The following TSHZ2 variants were observed in gnomAD, a reference collection of about 807,000 sequenced individuals.
TSHZ2 encodes teashirt homolog 2.
A neutral mutation model predicts 74.4 loss-of-function variants in TSHZ2; 21 were observed. That is an observed-to-expected ratio of 0.28 (90% CI 0.20 to 0.41). The LOEUF (loss-of-function observed/expected upper bound fraction) is 0.41. Ranked by LOEUF, TSHZ2 falls within the 10% of genes least tolerant of loss-of-function variation. TSHZ2 has a pLI of 1.00. For missense variants in TSHZ2, 1,244 were observed against 1,293.5 expected (o/e 0.96, Z 0.59); for synonymous variants, 540 against 515.3 (o/e 1.05, Z -0.65).
At chr20:53,177,486 G>T (rs531982388) in intron 1 of TSHZ2, among the ~76,000 whole-genome samples, 1 of 152,248 alleles carries the variant, frequency 6.6e-6, no homozygotes, top group Non-Finnish European at 1.5e-5. Flanking sequence ...TGCACATACG[G>T]CTGGTCCTCA....
chr20:53,251,572 A>G (rs1990332556), intron 1 of TSHZ2, among the ~76,000 whole-genome samples: 2 of 152,250 alleles, frequency 1.3e-5, no homozygotes, highest in Admixed American at 1.3e-4. Context: ...TTTCAAACCA[A>G]TCTTTGAAGC....
intron 1 of TSHZ2, among the ~76,000 whole-genome samples, chr20:53,088,645 G>T (rs926813): frequency 0.93 from 142,173 of 152,304 alleles, 66,457 homozygotes; most frequent in African/African-American, 0.99. Context: ...ATGGAGATTT[G>T]ATGGCTTTCA....
chr20:53,005,181 G>C (rs1600641279), intron 1 of TSHZ2, among the ~76,000 whole-genome samples: 1 of 152,028 alleles, frequency 6.6e-6, no homozygotes, highest in Non-Finnish European at 1.5e-5. Flanking sequence ...CAGGTGTGGT[G>C]GTGCACACCT....
At chr20:53,065,782 T>G (rs1023205111) in intron 1 of TSHZ2, among the ~76,000 whole-genome samples, 7 of 152,202 alleles carry the variant, frequency 4.6e-5, no homozygotes, top group African/African-American at 1.7e-4. Context: ...GCAAGAAACC[T>G]ATTGTTATTT....
intron 1 of TSHZ2, among the ~76,000 whole-genome samples, chr20:52,987,031 G>C (rs1430921764): frequency 1.3e-5 from 2 of 152,150 alleles, no homozygotes; most frequent in Non-Finnish European, 2.9e-5. Context: ...AGAAGAAGCT[G>C]TGAGTAAGGG....
chr20:53,092,246 A>G (rs145681511), intron 1 of TSHZ2, among the ~76,000 whole-genome samples: 82 of 152,212 alleles, frequency 5.4e-4, no homozygotes, highest in Non-Finnish European at 1.0e-3. Flanking sequence ...AGAATTGGAA[A>G]CCAACCTAGT....
In TSHZ2 at chr20:53,253,538, T is replaced by C. The variant is rs776754391; in HGVS notation, c.80T>C (p.Ile27Thr). The C allele has an allele frequency of 5.3e-5, 86 of 1,612,060 alleles. No homozygotes were observed. The highest frequency in any genetic ancestry group is 7.0e-5 in the Non-Finnish European group (83 of 1,179,182). The change falls in exon 2 of 3, where the codon ATA becomes ACA. Residue 27 changes from isoleucine to threonine, a missense_variant. By Grantham distance (89) the Ile-to-Thr change is moderately conservative. Around this residue, in one of 6 missense-constraint regions of TSHZ2, gnomAD observed 470 missense variants for 456.5 expected, o/e 1.03. Coordinates refer to ENST00000371497, the MANE Select transcript of TSHZ2 (RefSeq NM_173485.6). ...GAACAGCTGAAAGAAGAGGAGGAAA[T>C]AAAAGAAGAGGAGGAGGAGGAGGAC... ...QEEQLKEEEE[I>T]KEEEEEEDSG...
intron 1 of TSHZ2, among the ~76,000 whole-genome samples, chr20:53,049,872 A>G (rs749419121): frequency 2.0e-5 from 3 of 152,120 alleles, no homozygotes; most frequent in South Asian, 4.2e-4. Flanking sequence ...TCTTGAGGTC[A>G]GGAGCTCGAG....
intron 2 of TSHZ2, among the ~76,000 whole-genome samples, chr20:53,415,814 A>AC (rs1983233295): frequency 1.1e-4 from 10 of 88,622 alleles, no homozygotes; most frequent in Non-Finnish European, 2.2e-5. Context: ...ACACACACAC[A>AC]CACACACGCA....
intron 2 of TSHZ2, among the ~76,000 whole-genome samples, chr20:53,326,324 A>C (rs1249971319): frequency 6.6e-6 from 1 of 152,230 alleles, no homozygotes; most frequent in East Asian, 1.9e-4. Flanking sequence ...TGGAGTGCTG[A>C]GCAAAGGAAG....
chr20:53,158,563 A>C (rs1165473329), intron 1 of TSHZ2, among the ~76,000 whole-genome samples: 1 of 152,230 alleles, frequency 6.6e-6, no homozygotes, highest in African/African-American at 2.4e-5. Context: ...TAAGAAGGAC[A>C]GAGTAAGTGG....
At chr20:53,422,540 C>T (rs1051644098) in intron 2 of TSHZ2, among the ~76,000 whole-genome samples, 1 of 152,152 alleles carries the variant, frequency 6.6e-6, no homozygotes, top group African/African-American at 2.4e-5. Flanking sequence ...GAACCACCCC[C>T]CTCAGATGCA....
chr20:53,083,155 CATTT>C (rs1457489356), intron 1 of TSHZ2, among the ~76,000 whole-genome samples: 1 of 152,184 alleles, frequency 6.6e-6, no homozygotes, highest in African/African-American at 2.4e-5. Context: ...TACAGCTAAT[CATTT>C]ATTAGATTTA....
chr20:53,063,865 A>G (rs1306005123), intron 1 of TSHZ2, among the ~76,000 whole-genome samples: 1 of 152,224 alleles, frequency 6.6e-6, no homozygotes, highest in Non-Finnish European at 1.5e-5. Context: ...GGTGAGTGTT[A>G]GCAAACAGCA....
chr20:53,203,654 G>A (rs1485157349), intron 1 of TSHZ2, among the ~76,000 whole-genome samples: 2 of 152,170 alleles, frequency 1.3e-5, no homozygotes, highest in African/African-American at 2.4e-5. Flanking sequence ...CTCCAGCCAA[G>A]GGTGCCAGGT....
At position 53,074,918 on chromosome 20, in the gene TSHZ2, T is replaced by C. The variant is rs955280732; in HGVS notation, c.40+101585T>C. The stretch of plus-strand genomic sequence containing the variant: ...AAAGAACCCCAACCCTCCCAAGGTA[T>C]TTGACCTTGCAGGTCAGTGTTTTTC... On this transcript the variant is annotated intron_variant, in intron 1 of 2. Transcript: ENST00000371497. The surrounding 1 kb of genome is among the most constrained non-coding windows in gnomAD (Gnocchi z 5.9). 6.6e-6 allele frequency among the ~76,000 whole-genome samples: 1 copy of C among 152,232 alleles called. No individual in the cohort carries two copies. The highest frequency in any genetic ancestry group is 2.4e-5 in the African/African-American group (1 of 41,460).
chr20:53,304,492 C>T (rs1386200550), intron 2 of TSHZ2, among the ~76,000 whole-genome samples: 1 of 152,128 alleles, frequency 6.6e-6, no homozygotes, highest in Non-Finnish European at 1.5e-5. Flanking sequence ...GCAAAACAAA[C>T]GAACAACAAC....
intron 1 of TSHZ2, among the ~76,000 whole-genome samples, chr20:53,033,162 A>T (rs1014831695): frequency 1.8e-4 from 28 of 152,162 alleles, no homozygotes; most frequent in Admixed American, 3.9e-4. Flanking sequence ...TTTCCCCAAA[A>T]TCGTTAGCAA....
chr20:53,042,212 A>G lies in TSHZ2; in HGVS notation c.40+68879A>G, dbSNP rs147425658. On this transcript the variant is annotated intron_variant, in intron 1 of 2. Coordinates refer to ENST00000371497, the MANE Select transcript of TSHZ2 (RefSeq NM_173485.6). ...TCGAGTGATTCAAACATTAATTACA[A>G]TCTCCTTGGTGAGGGAAAATATTTT... Among the ~76,000 whole-genome samples the G allele has an allele frequency of 7.3e-3, 1,114 of 152,324 alleles. 13 individuals are homozygous for G. The highest frequency in any genetic ancestry group is 7.6e-3 in the Non-Finnish European group (515 of 68,020).
Sources: gnomAD v4.1 joint callset for allele counts (sites outside exome capture counted in the v4.1 genomes callset) on GRCh38, gnomAD v4.1.1 for gene constraint, gnomAD v4.1.1 regional missense constraint, Gnocchi (gnomAD v3.1) non-coding constraint, MANE v1.5 for transcripts, NCBI Gene and HGNC (gene_info 2026-07-23, HGNC 2026-07-21) for gene names.